ENDOV: variants seen among roughly 807,000 people sequenced by gnomAD.
The protein encoded by ENDOV is endonuclease V.
ENDOV carries 37 observed loss-of-function variants against 39.4 expected under a neutral mutation model. The ratio of observed to expected loss-of-function variants is 0.94; its 90% CI spans 0.72 to 1.23. The LOEUF is 1.23. Among genes scored for constraint, ENDOV ranks in the 50% most tolerant of loss-of-function variants. The pLI, the probability that ENDOV is intolerant of heterozygous loss-of-function variation, is 0.00. For synonymous variants in ENDOV, 186 were observed against 163.4 expected, an observed-to-expected ratio of 1.14 and a Z score of -1.05; for missense variants, 441 against 375.7, an observed-to-expected ratio of 1.17 and a Z score of -1.44.
intron 5 of ENDOV, 63 bp downstream of exon 5, chr17:80,423,695 G>A: frequency 1.4e-6 from 2 of 1,477,508 alleles, no homozygotes; most frequent in South Asian, 2.5e-5. Flanking sequence ...GGTGGCCCTG[G>A]GCATGAGGAC....
chr17:80,415,640 G>C lies in ENDOV; in HGVS notation c.57-10G>C. 6.2e-7 allele frequency: 1 copy of C among 1,611,028 alleles called. No homozygotes were observed. The highest frequency in any genetic ancestry group is 8.5e-7 in the Non-Finnish European group (1 of 1,178,642). On this transcript the variant is annotated splice_polypyrimidine_tract_variant and intron_variant, in intron 1 of 9. Coordinates refer to ENST00000518137, the MANE Select transcript of ENDOV (RefSeq NM_173627.5). ...GACCCCGACCAAGTTTGACGCTTCTGTCCTCCTAGGGAGCAAGCTCGGCTG... is the reference window on the plus strand; with the variant it reads ...GACCCCGACCAAGTTTGACGCTTCTCTCCTCCTAGGGAGCAAGCTCGGCTG...
intron 7 of ENDOV, 58 bp downstream of exon 7, chr17:80,425,678 C>T: frequency 6.5e-7 from 1 of 1,534,668 alleles, no homozygotes; most frequent in Non-Finnish European, 8.7e-7. Context: ...CTGCCACCTG[C>T]TGTTCAGGGC....
intron 9 of ENDOV, among the ~76,000 whole-genome samples, chr17:80,431,019 A>G (rs1274688568): frequency 6.6e-6 from 1 of 152,108 alleles, no homozygotes; most frequent in Admixed American, 6.5e-5. Context: ...TGGCCTCCAG[A>G]TCCCAGGCCC....
intron 5 of ENDOV, 45 bp downstream of exon 5, chr17:80,423,677 G>C: frequency 6.5e-7 from 1 of 1,527,690 alleles, no homozygotes; most frequent in Non-Finnish European, 8.8e-7. Context: ...GCTCAGTGGC[G>C]GGGCTGTGGT....
chr17:80,427,131 G>A (rs867285946), intron 7 of ENDOV, among the ~76,000 whole-genome samples: 1 of 152,240 alleles, frequency 6.6e-6, no homozygotes, highest in African/African-American at 2.4e-5. Flanking sequence ...GTCTGAGAGC[G>A]GGCTCCACAG....
chr17:80,430,500 G>T, intron 9 of ENDOV: 1 of 711,052 alleles, frequency 1.4e-6, no homozygotes, highest in Admixed American at 3.0e-5. Flanking sequence ...CCCTGACACG[G>T]GAGGGGTCCT....
chr17:80,416,714 T>A (rs79141424), intron 2 of ENDOV, among the ~76,000 whole-genome samples: 1 of 111,588 alleles, frequency 9.0e-6, no homozygotes, highest in Non-Finnish European at 1.9e-5. Context: ...CTCCCTCCCT[T>A]CCTTCCTTCC....
chr17:80,436,538 T>C lies in ENDOV; in HGVS notation c.*395T>C, dbSNP rs960787982. On this transcript the variant is annotated 3_prime_UTR_variant, in exon 10 of 10. Transcript: ENST00000518137. Reference sequence around the variant, plus strand: ...GGCCTCTATTGAAAAGATCCTGTGTTCTTCTGTGAATATGAGGTGTTACAT... The same window carrying C: ...GGCCTCTATTGAAAAGATCCTGTGTCCTTCTGTGAATATGAGGTGTTACAT... 13 of 399,190 alleles carry C rather than the reference T, an allele frequency of 3.3e-5. No homozygotes were observed. Among genetic ancestry groups the C allele is most frequent in the South Asian group, 3.1e-4 (13 of 41,358 alleles). 24.7% of individuals were successfully genotyped at this position (399,190 alleles called of 1,614,324 possible).
chr17:80,420,500 A>G (rs1194549653), intron 2 of ENDOV: 1 of 152,240 alleles, frequency 6.6e-6, no homozygotes, highest in Non-Finnish European at 1.5e-5. Flanking sequence ...AATGATCCCC[A>G]ACCCTCTGTG....
At position 80,429,842 on chromosome 17, in the gene ENDOV, G is replaced by A; in HGVS notation, c.838+11G>A. 2 of 1,612,750 alleles carry A rather than the reference G, an allele frequency of 1.2e-6. No individual in the cohort carries two copies. The highest frequency in any genetic ancestry group is 1.7e-6 in the Non-Finnish European group (2 of 1,179,834). On this transcript the variant is annotated intron_variant, in intron 9 of 9. Coordinates refer to ENST00000518137, the MANE Select transcript of ENDOV (RefSeq NM_173627.5). ...CCGGAGAGTCCTCAGGTGAGGGCCA[G>A]CCCCCACAGGACCACAGCCCAGGCC... is the stretch of plus-strand genomic sequence containing the variant.
chr17:80,428,424 C>G, intron 7 of ENDOV, 172 bp from the exon 8 acceptor site: 4 of 648,996 alleles, frequency 6.2e-6, no homozygotes, highest in Non-Finnish European at 8.0e-6. Flanking sequence ...CCAGGCATGC[C>G]TGTCCCACAC....
chr17:80,416,730 T>C (rs1474376828), intron 2 of ENDOV, among the ~76,000 whole-genome samples: 8 of 127,556 alleles, frequency 6.3e-5, no homozygotes, highest in South Asian at 3.0e-4. Flanking sequence ...CTTCCTTCCT[T>C]CCTCCCTTCC....
At chr17:80,423,745 C>T (rs1446270549) in intron 5 of ENDOV, 113 bp downstream of exon 5, 9 of 995,876 alleles carry the variant, frequency 9.0e-6, no homozygotes, top group Admixed American at 2.4e-5. Flanking sequence ...CTGCCCTCCT[C>T]ATCCCTGGCT....
chr17:80,431,813 C>T (rs554877982), intron 9 of ENDOV, among the ~76,000 whole-genome samples: 2 of 152,336 alleles, frequency 1.3e-5, no homozygotes, highest in South Asian at 4.1e-4. Context: ...GCTCACGGCC[C>T]TCCCTTTCCA....
intron 1 of ENDOV, 93 bp downstream of exon 1, chr17:80,415,343 C>G: frequency 2.8e-6 from 4 of 1,454,122 alleles, no homozygotes; most frequent in Non-Finnish European, 3.8e-6. Flanking sequence ...GCTGTGGAAT[C>G]GGAGCTGCCA....
At chr17:80,431,912 TG>T (rs1024318849) in intron 9 of ENDOV, among the ~76,000 whole-genome samples, 11 of 151,352 alleles carry the variant, frequency 7.3e-5, no homozygotes, top group African/African-American at 2.7e-4. Context: ...GTCCTTGGGG[TG>T]GGAGAGGGGT....
chr17:80,426,485 A>C (rs2082699621), intron 7 of ENDOV, among the ~76,000 whole-genome samples: 1 of 151,838 alleles, frequency 6.6e-6, no homozygotes, highest in Non-Finnish European at 1.5e-5. Flanking sequence ...TCTCTACAAA[A>C]AAAACGTAAA....
intron 9 of ENDOV, among the ~76,000 whole-genome samples, chr17:80,430,729 G>A (rs889736384): frequency 1.2e-4 from 19 of 152,192 alleles, no homozygotes; most frequent in Admixed American, 4.6e-4. Context: ...GCCAGGCTCT[G>A]TGCCCGGCGG....
At chr17:80,424,146 TCA>T in intron 5 of ENDOV, 1 of 399,074 alleles carries the variant, frequency 2.5e-6, no homozygotes. Flanking sequence ...AGTGAGACAC[TCA>T]CAATGGAGGG....
Sources: gnomAD v4.1 joint callset for allele counts (sites outside exome capture counted in the v4.1 genomes callset) on GRCh38, gnomAD v4.1.1 for gene constraint, MANE v1.5 for transcripts, NCBI Gene and HGNC (gene_info 2026-07-23, HGNC 2026-07-21) for gene names.